NFKBIZ: variants seen among roughly 807,000 people sequenced by gnomAD.
The protein encoded by NFKBIZ is NFKB inhibitor zeta.
In NFKBIZ, 19 loss-of-function variants were observed where a neutral mutation model predicts 76.8. That is an observed-to-expected ratio of 0.25 (90% confidence interval 0.17 to 0.36). The LOEUF (loss-of-function observed/expected upper bound fraction) is 0.36, where lower values mean the gene tolerates loss of function less well. Among genes scored for constraint, NFKBIZ ranks in the 10% least tolerant of loss-of-function variants. The pLI is 1.00. For missense variants in NFKBIZ, 829 were observed against 910.9 expected, an observed-to-expected ratio of 0.91 and a Z score of 1.16; for synonymous variants, 368 against 354.8, an observed-to-expected ratio of 1.04 and a Z score of -0.42.
chr3:101,849,817 C>T lies in NFKBIZ; in HGVS notation c.189C>T (p.Pro63=), dbSNP rs1214500279. 1 of 1,472,162 alleles carries T rather than the reference C, an allele frequency of 6.8e-7. No individual in the cohort carries two copies. The highest frequency in any genetic ancestry group is 2.5e-5 in the Admixed American group (1 of 40,788). The allele number at this position is 1,472,162 out of a possible 1,614,324, so 91.2% of individuals were successfully genotyped here. Residue 63 remains proline, a synonymous_variant, in exon 1 of 12, where the codon CCC becomes CCT. Coordinates refer to ENST00000326172, the MANE Select transcript of NFKBIZ (RefSeq NM_031419.4). ...TGGGCCCCTCGGCGCCCGGCTCGCC[C>T]GGCTCCGACTCCTCCGACTTCTCCT... ...SVLGPSAPGS[P]GSDSSDFSSA... is the part of the protein sequence containing the mutation.
intron 5 of NFKBIZ, 62 bp from the exon 6 acceptor site, chr3:101,854,516 T>TTTTA: frequency 9.6e-7 from 1 of 1,037,714 alleles, no homozygotes; most frequent in Non-Finnish European, 1.4e-6. Flanking sequence ...TTTTTTTTTT[T>TTTTA]CAAAAGAACA....
At chr3:101,857,505 C>A in intron 11 of NFKBIZ, 46 bp downstream of exon 11, 1 of 1,609,464 alleles carries the variant, frequency 6.2e-7, no homozygotes, top group South Asian at 1.1e-5. Flanking sequence ...GCACTGCAGT[C>A]TGAAACAGAA....
upstream of NFKBIZ, among the ~76,000 whole-genome samples, chr3:101,847,205 G>T (rs1007242936): frequency 2.0e-5 from 3 of 152,236 alleles, no homozygotes; most frequent in African/African-American, 7.2e-5. Context: ...AGCTGCCTGG[G>T]CATGCCTTAA....
upstream of NFKBIZ, among the ~76,000 whole-genome samples, chr3:101,844,580 G>A (rs1451416951): frequency 1.3e-5 from 2 of 152,192 alleles, no homozygotes; most frequent in Non-Finnish European, 2.9e-5. Flanking sequence ...TTGTTGTCAT[G>A]CATTAAAATA....
intron 2 of NFKBIZ, among the ~76,000 whole-genome samples, chr3:101,843,617 A>T (rs1160523743): frequency 6.6e-6 from 1 of 152,234 alleles, no homozygotes; most frequent in Non-Finnish European, 1.5e-5. Context: ...TAAAGGAGAG[A>T]TGCAAGATGG....
chr3:101,831,609 C>T (rs1432678876), intron 2 of NFKBIZ, among the ~76,000 whole-genome samples: 1 of 151,034 alleles, frequency 6.6e-6, no homozygotes, highest in Non-Finnish European at 1.5e-5. Flanking sequence ...CCTTCTTCTC[C>T]TCCTTCTCCT....
intron 2 of NFKBIZ, among the ~76,000 whole-genome samples, chr3:101,834,509 C>T (rs111344240): frequency 0.044 from 6,695 of 152,080 alleles, 506 homozygotes; most frequent in African/African-American, 0.15. Flanking sequence ...TACAGGCACC[C>T]GCCACCACGC....
rs954012967 is a variant in NFKBIZ, at chr3:101,849,551, G to A, written c.-78G>A. 1 of 1,241,708 alleles carries A rather than the reference G, an allele frequency of 8.1e-7. No homozygotes were observed. The highest frequency in any genetic ancestry group is 1.0e-6 in the Non-Finnish European group (1 of 980,560). 76.9% of individuals were successfully genotyped at this position (1,241,708 alleles called of 1,614,324 possible). A position where few individuals can be genotyped will look rare whatever the true frequency, so the allele number is the denominator to read the frequency against. ...GCCGTCCGCCCGCCGACAGCTCCCTGAGCCAGCCCGGGAGGCAGCCGCGCG... is the reference window on the plus strand; with the variant it reads ...GCCGTCCGCCCGCCGACAGCTCCCTAAGCCAGCCCGGGAGGCAGCCGCGCG... On this transcript the variant is annotated 5_prime_UTR_variant, in exon 1 of 12. Coordinates refer to ENST00000326172, the MANE Select transcript of NFKBIZ (RefSeq NM_031419.4).
rs2107419690 is a variant in NFKBIZ, at chr3:101,855,006, C to T, written c.1444-56C>T. 7.2e-6 allele frequency: 11 copies of T among 1,518,110 alleles called. No individual in the cohort carries two copies. In the South Asian group the frequency reaches 1.4e-4, roughly 20 times the overall value. The allele number at this position is 1,518,110 out of a possible 1,614,324, so 94.0% of individuals were successfully genotyped here. A position where few individuals can be genotyped will look rare whatever the true frequency, so the allele number is the denominator to read the frequency against. On this transcript the variant is annotated intron_variant, in intron 6 of 11. Coordinates refer to ENST00000326172, the MANE Select transcript of NFKBIZ (RefSeq NM_031419.4). Reference sequence around the variant, plus strand: ...TCAGTCATAGTTTAGTTTCATATTCCTTGTTATGATAACATTGTATGTTTA... The same window carrying T: ...TCAGTCATAGTTTAGTTTCATATTCTTTGTTATGATAACATTGTATGTTTA...
At chr3:101,829,293 C>T (rs1259663313) in intron 1 of NFKBIZ, among the ~76,000 whole-genome samples, 2 of 152,124 alleles carry the variant, frequency 1.3e-5, no homozygotes, top group African/African-American at 4.8e-5. Flanking sequence ...GTGCAGATGA[C>T]GGAAACATTT....
intron 2 of NFKBIZ, among the ~76,000 whole-genome samples, chr3:101,837,518 A>T (rs959379916): frequency 6.6e-6 from 1 of 151,842 alleles, no homozygotes; most frequent in Non-Finnish European, 1.5e-5. Flanking sequence ...AGAAAAGAAA[A>T]AAGAAAAAAA....
At chr3:101,851,939 T>C in intron 1 of NFKBIZ, 146 bp from the exon 2 acceptor site, 2 of 873,790 alleles carry the variant, frequency 2.3e-6, no homozygotes, top group Non-Finnish European at 3.4e-6. Context: ...ACAAGGCCAT[T>C]GATTGACCAG....
chr3:101,858,456 T>C, intron 11 of NFKBIZ: 1 of 985,176 alleles, frequency 1.0e-6, no homozygotes, highest in African/African-American at 1.7e-5. Context: ...CTAAGCCCAG[T>C]ATTTGCTTCT....
upstream of NFKBIZ, among the ~76,000 whole-genome samples, chr3:101,847,215 A>T (rs1393830420): frequency 6.6e-6 from 1 of 152,258 alleles, no homozygotes; most frequent in African/African-American, 2.4e-5. Flanking sequence ...GCATGCCTTA[A>T]TCCAGTCGAA....
intron 1 of NFKBIZ, among the ~76,000 whole-genome samples, chr3:101,828,622 G>A (rs545246106): frequency 8.5e-4 from 130 of 152,326 alleles, no homozygotes; most frequent in Middle Eastern, 3.4e-3. Context: ...AAATATATCA[G>A]AGTAAATTGA....
chr3:101,849,628 C>A lies in NFKBIZ; in HGVS notation c.-1C>A. ...GGTCCTCGAGCGCCCAGCCTGGGAG[C>A]ATGATTGTGGACAAGCTGCTGGACG... On this transcript the variant is annotated 5_prime_UTR_variant, in exon 1 of 12. Coordinates refer to ENST00000326172, the MANE Select transcript of NFKBIZ (RefSeq NM_031419.4). The A allele has an allele frequency of 7.3e-7, 1 of 1,366,686 alleles. No individual in the cohort carries two copies. 84.7% of individuals were successfully genotyped at this position (1,366,686 alleles called of 1,614,324 possible).
chr3:101,834,478 A>G (rs1380574862), intron 2 of NFKBIZ, among the ~76,000 whole-genome samples: 1 of 152,058 alleles, frequency 6.6e-6, no homozygotes, highest in Admixed American at 6.6e-5. Flanking sequence ...CTCCTGCCTC[A>G]GCCTCCAGAG....
At chr3:101,859,167 A>G (rs777766109) in intron 11 of NFKBIZ, 151 bp from the exon 12 acceptor site, 4 of 538,608 alleles carry the variant, frequency 7.4e-6, no homozygotes, top group Non-Finnish European at 1.4e-5. Context: ...TCACCTCAAA[A>G]TCTTGAGAAA....
At chr3:101,843,044 A>C (rs997695140) in intron 2 of NFKBIZ, among the ~76,000 whole-genome samples, 3 of 151,166 alleles carry the variant, frequency 2.0e-5, no homozygotes, top group African/African-American at 7.3e-5. Context: ...AAAAAAAAAA[A>C]AAAACTTCAT....
Sources: allele counts gnomAD v4.1 joint callset (sites outside exome capture counted in the v4.1 genomes callset), GRCh38; gene constraint gnomAD v4.1.1; transcripts MANE v1.5; gene names NCBI Gene and HGNC (gene_info 2026-07-23, HGNC 2026-07-21).